FAM98B: variants seen among roughly 807,000 people sequenced by gnomAD.
FAM98B encodes tRNA-splicing ligase complex subunit FAM98B.
Under a neutral mutation model 43.9 loss-of-function variants are expected in FAM98B, and 32 were observed. That is an observed-to-expected ratio of 0.73 (90% CI 0.55 to 0.98). The LOEUF (loss-of-function observed/expected upper bound fraction) is 0.98, where lower values mean the gene tolerates loss of function less well. Ranked by LOEUF, FAM98B falls within the 50% of genes least tolerant of loss-of-function variation. The pLI is 0.00. For synonymous variants in FAM98B, 190 were observed against 174.0 expected, an observed-to-expected ratio of 1.09 and a Z score of -0.72; for missense variants, 514 against 522.9, an observed-to-expected ratio of 0.98 and a Z score of 0.17.
chr15:38,471,872 T>C (rs1890135279), intron 4 of FAM98B, among the ~76,000 whole-genome samples: 1 of 152,162 alleles, frequency 6.6e-6, no homozygotes, highest in African/African-American at 2.4e-5. Flanking sequence ...AATGTTTACA[T>C]GTAATAACTC....
rs1364092932 is a variant in FAM98B at position 38,454,232 on chromosome 15, G to C, written c.71G>C (p.Gly24Ala). 6.2e-7 allele frequency: 1 copy of C among 1,601,220 alleles called. No individual in the cohort carries two copies. Among genetic ancestry groups the C allele is most frequent in the Admixed American group, 1.7e-5 (1 of 57,326 alleles). Reference protein sequence around the residue: ...GDVLDTLEALGYKGPLLEEQA... With the variant: ...GDVLDTLEALAYKGPLLEEQA... The stretch of plus-strand genomic sequence containing the variant: ...GTGCTGGACACACTGGAGGCGCTGG[G>C]GTGAGTGCTTTTGGAGACGCCTTTT... The change falls in exon 1 of 8, where the codon GGG becomes GCG. Residue 24 changes from glycine to alanine, a missense_variant and splice_region_variant. Transcript: ENST00000397609.
Position 38,461,946 on chromosome 15 carries a change from C to G in FAM98B, c.72-2086C>G, listed in dbSNP as rs1331316933. On this transcript the variant is annotated intron_variant, in intron 1 of 7. Transcript: ENST00000397609. ...ACCCAACAGTCTCACCTCTAGGAAT[C>G]TATCCTAGATAAAAACTGACAAAAA... Among the ~76,000 whole-genome samples the G allele has an allele frequency of 2.0e-5, 3 of 152,106 alleles. No homozygotes were observed. In the East Asian group the frequency reaches 5.8e-4, roughly 29 times the overall value.
At position 38,479,743 on chromosome 15, in the gene FAM98B, T is replaced by G. The variant is rs138690461; in HGVS notation, c.730-1549T>G. Among the ~76,000 whole-genome samples, 7 of 152,328 alleles carry G rather than the reference T, an allele frequency of 4.6e-5. No homozygotes were observed. In the East Asian group the frequency reaches 1.3e-3, roughly 29 times the overall value. ...TTCAGAGTAAAATTTTATGGTGGATTCCTTAAAGGAAATTTACTGTGTCAA... is the reference window on the plus strand; with the variant it reads ...TTCAGAGTAAAATTTTATGGTGGATGCCTTAAAGGAAATTTACTGTGTCAA... On this transcript the variant is annotated intron_variant, in intron 6 of 7. Coordinates refer to ENST00000397609, the MANE Select transcript of FAM98B (RefSeq NM_173611.4).
intron 4 of FAM98B, among the ~76,000 whole-genome samples, chr15:38,472,779 C>T (rs557344993): frequency 2.1e-4 from 32 of 152,026 alleles, no homozygotes; most frequent in African/African-American, 7.5e-4. Flanking sequence ...TTGGTTGTTT[C>T]CTTTGGTTAC....
chr15:38,481,649 A>G (rs1890290169), intron 7 of FAM98B, 190 bp downstream of exon 7: 2 of 1,478,626 alleles, frequency 1.4e-6, no homozygotes. Flanking sequence ...TTGTGTATTC[A>G]TAAATCAAAG....
chr15:38,472,066 G>A (rs1890137662), intron 4 of FAM98B, among the ~76,000 whole-genome samples: 1 of 152,140 alleles, frequency 6.6e-6, no homozygotes, highest in African/African-American at 2.4e-5. Context: ...CTAAATGGTG[G>A]TAGACCTGAG....
At chr15:38,464,421 T>C (rs1889996963) in intron 2 of FAM98B, among the ~76,000 whole-genome samples, 1 of 152,178 alleles carries the variant, frequency 6.6e-6, no homozygotes, top group Admixed American at 6.5e-5. Context: ...CTGACGGCTC[T>C]GATATCTGCT....
Position 38,487,671 on chromosome 15 carries a change from G to T in FAM98B, c.*3012G>T, listed in dbSNP as rs1214430690. The T allele has an allele frequency of 2.6e-5, 4 of 152,002 alleles. No individual in the cohort carries two copies. The highest frequency in any genetic ancestry group is 5.9e-5 in the Non-Finnish European group (4 of 67,934). 9.4% of individuals were successfully genotyped at this position (152,002 alleles called of 1,614,324 possible). On this transcript the variant is annotated 3_prime_UTR_variant, in exon 8 of 8. Coordinates refer to ENST00000397609, the MANE Select transcript of FAM98B (RefSeq NM_173611.4). The stretch of plus-strand genomic sequence containing the variant: ...ATGTCTGATCATTCTAAATAATCAT[G>T]ACCACAAATAAATTGCCCTGAGTAG...
chr15:38,473,154 C>A (rs1890150922), intron 4 of FAM98B, among the ~76,000 whole-genome samples: 1 of 152,050 alleles, frequency 6.6e-6, no homozygotes, highest in African/African-American at 2.4e-5. Flanking sequence ...GTTTTAGTAT[C>A]CCTTTTGAAA....
chr15:38,487,104 C>T lies in FAM98B; in HGVS notation c.*2445C>T, dbSNP rs1440241165. 2.0e-5 allele frequency: 3 copies of T among 151,972 alleles called. No homozygotes were observed. The highest frequency in any genetic ancestry group is 1.3e-4 in the Admixed American group (2 of 15,248). The allele number at this position is 151,972 out of a possible 1,614,324, so 9.4% of individuals were successfully genotyped here. On this transcript the variant is annotated 3_prime_UTR_variant, in exon 8 of 8. Coordinates refer to ENST00000397609, the MANE Select transcript of FAM98B (RefSeq NM_173611.4). ...ACTGGGAGTTTCTGCCTAAAGTAGT[C>T]ATCTTTCCTCTCGACCGTATAAAGA...
At chr15:38,460,983 T>C (rs942319792) in intron 1 of FAM98B, among the ~76,000 whole-genome samples, 1 of 152,230 alleles carries the variant, frequency 6.6e-6, no homozygotes, top group Non-Finnish European at 1.5e-5. Context: ...TGATTGTTAC[T>C]AGATGGTCAG....
intron 1 of FAM98B, among the ~76,000 whole-genome samples, chr15:38,455,419 A>C (rs1889832596): frequency 6.6e-6 from 1 of 152,002 alleles, no homozygotes; most frequent in Admixed American, 6.5e-5. Context: ...TATCTTCTCT[A>C]AAACTGCATT....
chr15:38,470,461 C>T, intron 4 of FAM98B, 56 bp downstream of exon 4: 1 of 1,423,166 alleles, frequency 7.0e-7, no homozygotes, highest in South Asian at 1.4e-5. Context: ...CATGTAAGTG[C>T]TATATTAAAA....
chr15:38,461,019 C>T (rs1302419866), intron 1 of FAM98B, among the ~76,000 whole-genome samples: 1 of 151,678 alleles, frequency 6.6e-6, no homozygotes, highest in African/African-American at 2.4e-5. Context: ...TTATTTGTTC[C>T]TCTTTTTATT....
chr15:38,462,222 T>C (rs2141053049), intron 1 of FAM98B, among the ~76,000 whole-genome samples: 1 of 152,268 alleles, frequency 6.6e-6, no homozygotes, highest in East Asian at 1.9e-4. Flanking sequence ...CAAAAATGCA[T>C]ATATTTATAC....
At chr15:38,458,207 A>G (rs1444376033) in intron 1 of FAM98B, among the ~76,000 whole-genome samples, 1 of 152,186 alleles carries the variant, frequency 6.6e-6, no homozygotes, top group Non-Finnish European at 1.5e-5. Flanking sequence ...CTGGCCTGGA[A>G]ACAAGTCCTC....
At chr15:38,459,524 A>G (rs1388864525) in intron 1 of FAM98B, 3 of 315,500 alleles carry the variant, frequency 9.5e-6, no homozygotes, top group East Asian at 2.0e-4. Flanking sequence ...CTGGGTGATG[A>G]TGGAACTGTG....
In FAM98B at chr15:38,457,984, A is replaced by C. The variant is rs1329686542; in HGVS notation, c.71+3752A>C. Among the ~76,000 whole-genome samples, 3 of 150,880 alleles carry C rather than the reference A, an allele frequency of 2.0e-5. No individual in the cohort carries two copies. The South Asian group carries it at 6.3e-4, about 32-fold the overall frequency. The stretch of plus-strand genomic sequence containing the variant: ...TTTTTTTTTTTTTTTTAAGAAAGAG[A>C]ATTTTCAGAGTCAAAAGAACAGAAA... On this transcript the variant is annotated intron_variant, in intron 1 of 7. Transcript: ENST00000397609.
chr15:38,464,134 A>G lies in FAM98B; in HGVS notation c.174A>G (p.Gln58=), dbSNP rs751600032. Residue 58 remains glutamine, a synonymous_variant, in exon 2 of 8, where the codon CAA becomes CAG. Transcript: ENST00000397609. ...FSELCIWLGS[Q]IKSLCNLEES... is the part of the protein sequence containing the mutation. ...AGCTCTGTATTTGGTTAGGCTCTCA[A>G]ATAAAATCATTATGCAACTTGGAAG... 1.9e-6 allele frequency: 3 copies of G among 1,613,414 alleles called. No individual in the cohort carries two copies. The highest frequency in any genetic ancestry group is 4.5e-5 in the East Asian group (2 of 44,862).
Sources: gnomAD v4.1 joint callset for allele counts (sites outside exome capture counted in the v4.1 genomes callset) on GRCh38, gnomAD v4.1.1 for gene constraint, MANE v1.5 for transcripts, NCBI Gene and HGNC (gene_info 2026-07-23, HGNC 2026-07-21) for gene names.